The following FHIT variants were observed in gnomAD, a reference collection of about 807,000 sequenced individuals.
FHIT encodes fragile histidine triad diadenosine triphosphatase, also known as bis(5'-adenosyl)-triphosphatase.
In FHIT, 19 loss-of-function variants were observed where a neutral mutation model predicts 17.9. That is an observed-to-expected ratio of 1.06 (90% CI 0.74 to 1.56). The LOEUF is 1.56. Among genes scored for constraint, FHIT ranks in the 40% most tolerant of loss-of-function variants. FHIT has a pLI of 0.00. For synonymous variants in FHIT, 81 were observed against 69.7 expected, an observed-to-expected ratio of 1.16 and a Z score of -0.81; for missense variants, 248 against 189.2, an observed-to-expected ratio of 1.31 and a Z score of -1.82.
At chr3:60,241,716 C>G (rs892640085) in intron 5 of FHIT, among the ~76,000 whole-genome samples, 1 of 152,030 alleles carries the variant, frequency 6.6e-6, no homozygotes, top group Non-Finnish European at 1.5e-5. Flanking sequence ...ACCGCCTATT[C>G]CTACATATGA....
At chr3:60,358,637 C>A (rs112927379) in intron 5 of FHIT, among the ~76,000 whole-genome samples, 1 of 152,110 alleles carries the variant, frequency 6.6e-6, no homozygotes, top group Non-Finnish European at 1.5e-5. Context: ...ATAAACATTG[C>A]TAAGTAAAGA....
chr3:60,135,599 C>T (rs1037777492), intron 5 of FHIT, among the ~76,000 whole-genome samples: 3 of 152,046 alleles, frequency 2.0e-5, no homozygotes, highest in Non-Finnish European at 2.9e-5. Flanking sequence ...TGAAGTAACC[C>T]GACTGACTTA....
chr3:60,350,621 C>G (rs1016951892), intron 5 of FHIT, among the ~76,000 whole-genome samples: 2 of 152,072 alleles, frequency 1.3e-5, no homozygotes, highest in African/African-American at 4.8e-5. Context: ...ATTTCTTCTC[C>G]CTCCTTCCTC....
intron 3 of FHIT, among the ~76,000 whole-genome samples, chr3:60,910,005 G>T (rs1293278549): frequency 6.6e-6 from 1 of 152,156 alleles, no homozygotes; most frequent in African/African-American, 2.4e-5. Context: ...GAGTAGGTGA[G>T]AAGCATAGAA....
intron 3 of FHIT, among the ~76,000 whole-genome samples, chr3:60,832,349 C>G (rs947345848): frequency 2.4e-4 from 37 of 152,212 alleles, no homozygotes; most frequent in African/African-American, 8.9e-4. Context: ...ATCTTGGATT[C>G]TGATCCAGAC....
chr3:60,670,407 C>T (rs2107841175), intron 4 of FHIT, among the ~76,000 whole-genome samples: 1 of 152,290 alleles, frequency 6.6e-6, no homozygotes, highest in Non-Finnish European at 1.5e-5. Flanking sequence ...GGATAACCTT[C>T]TTTATTTCTC....
chr3:60,725,882 G>A (rs2041907438), intron 4 of FHIT, among the ~76,000 whole-genome samples: 1 of 152,024 alleles, frequency 6.6e-6, no homozygotes, highest in African/African-American at 2.4e-5. Flanking sequence ...CCACGAGATA[G>A]GTAGAATCAT....
At chr3:60,852,857 C>A (rs1703210881) in intron 3 of FHIT, among the ~76,000 whole-genome samples, 1 of 151,296 alleles carries the variant, frequency 6.6e-6, no homozygotes, top group Non-Finnish European at 1.5e-5. Context: ...AAGATTTTTT[C>A]AAAAAAAGAA....
chr3:60,848,423 G>C (rs1299184492), intron 3 of FHIT, among the ~76,000 whole-genome samples: 1 of 152,054 alleles, frequency 6.6e-6, no homozygotes, highest in Non-Finnish European at 1.5e-5. Flanking sequence ...TCAGCTGTAG[G>C]TTTTATCACT....
chr3:60,763,831 A>G (rs1241027025), intron 4 of FHIT, among the ~76,000 whole-genome samples: 1 of 152,220 alleles, frequency 6.6e-6, no homozygotes, highest in Non-Finnish European at 1.5e-5. Context: ...AATGTTTCAT[A>G]TCAGCTACTC....
At chr3:61,218,095 G>A (rs1447212893) in intron 1 of FHIT, among the ~76,000 whole-genome samples, 1 of 152,106 alleles carries the variant, frequency 6.6e-6, no homozygotes, top group Non-Finnish European at 1.5e-5. Context: ...AAGAGGGGAG[G>A]TCTGAGAGTG....
At chr3:60,234,910 C>G (rs566701011) in intron 5 of FHIT, among the ~76,000 whole-genome samples, 12 of 152,250 alleles carry the variant, frequency 7.9e-5, no homozygotes, top group Admixed American at 2.0e-4. Flanking sequence ...TTTAGTATCA[C>G]ATTCGAGGAT....
At chr3:60,061,749 T>C (rs918794807) in intron 5 of FHIT, among the ~76,000 whole-genome samples, 4 of 152,138 alleles carry the variant, frequency 2.6e-5, no homozygotes, top group African/African-American at 9.7e-5. Context: ...TCAGATCGGA[T>C]GCTAGGAAAC....
chr3:60,559,735 G>T (rs1388394188), intron 4 of FHIT, among the ~76,000 whole-genome samples: 2 of 122,622 alleles, frequency 1.6e-5, no homozygotes, highest in Non-Finnish European at 3.6e-5. Context: ...CCCAGCTCTA[G>T]AAGATGAGAA....
At chr3:60,949,703 C>G (rs1708795288) in intron 3 of FHIT, among the ~76,000 whole-genome samples, 3 of 152,086 alleles carry the variant, frequency 2.0e-5, no homozygotes. Flanking sequence ...TTCCCGGTCT[C>G]TGGTTAAAGT....
In FHIT at chr3:60,208,654, T is replaced by C. The variant is rs1305253689; in HGVS notation, c.104-194502A>G. On this transcript the variant is annotated intron_variant, in intron 5 of 9. Transcript: ENST00000492590. ...AAGAAATAATCCTCATTTCAAAGCA[T>C]TGGTTATTATTTTCTACAAAAGCTT... Among the ~76,000 whole-genome samples the C allele has an allele frequency of 2.6e-5, 4 of 152,342 alleles. No individual in the cohort carries two copies. The East Asian group carries it at 5.8e-4, about 22-fold the overall frequency.
intron 5 of FHIT, among the ~76,000 whole-genome samples, chr3:60,259,709 C>G (rs1706196448): frequency 6.6e-6 from 1 of 152,060 alleles, no homozygotes; most frequent in Admixed American, 6.6e-5. Context: ...CAGGGACTTG[C>G]AGACAGTAAG....
chr3:60,046,257 A>G (rs1269604570), intron 5 of FHIT, among the ~76,000 whole-genome samples: 5 of 152,204 alleles, frequency 3.3e-5, no homozygotes, highest in Admixed American at 6.5e-5. Context: ...CAGTTTCACC[A>G]TTCTGCAGAA....
chr3:60,165,040 C>T (rs750748066), intron 5 of FHIT, among the ~76,000 whole-genome samples: 4 of 152,040 alleles, frequency 2.6e-5, no homozygotes, highest in Non-Finnish European at 4.4e-5. Context: ...ATCACAGATC[C>T]GAAACCCAGA....
Sources: allele counts gnomAD v4.1 joint callset (sites outside exome capture counted in the v4.1 genomes callset), GRCh38; gene constraint gnomAD v4.1.1; transcripts MANE v1.5; gene names NCBI Gene and HGNC (gene_info 2026-07-23, HGNC 2026-07-21).